FGFR2: variants seen among roughly 807,000 people sequenced by gnomAD.
The protein encoded by FGFR2 is BEK fibroblast growth factor receptor.
Under a neutral mutation model 95.9 loss-of-function variants are expected in FGFR2, and 19 were observed. That is an observed-to-expected ratio of 0.20 (90% CI 0.14 to 0.29). FGFR2 has a LOEUF of 0.29. Among genes scored for constraint, FGFR2 ranks in the 10% least tolerant of loss-of-function variants. FGFR2 has a pLI of 1.00. For synonymous variants in FGFR2, 392 were observed against 393.3 expected, an observed-to-expected ratio of 1.00 and a Z score of 0.04; for missense variants, 707 against 1,056.9, an observed-to-expected ratio of 0.67 and a Z score of 4.59.
At chr10:121,544,593 A>G (rs971068837) in intron 5 of FGFR2, among the ~76,000 whole-genome samples, 1 of 152,170 alleles carries the variant, frequency 6.6e-6, no homozygotes, top group Non-Finnish European at 1.5e-5. Flanking sequence ...TCCTGATTTC[A>G]CTTATATAAG....
rs2135115898 is a variant in FGFR2 at position 121,565,544 on chromosome 10, C to T, written c.270G>A (p.Glu90=). The T allele has an allele frequency of 6.2e-7, 1 of 1,614,250 alleles. No individual in the cohort carries two copies. The highest frequency in any genetic ancestry group is 8.5e-7 in the Non-Finnish European group (1 of 1,180,046). ...GPNNRTVLIG[E]YLQIKGATPR... is the part of the protein sequence containing the mutation. ...GCGTGGCGCCCTTTATCTGCAAGTA[C>T]TCCCCAATAAGCACTGTCCTATTGT... Residue 90 remains glutamate (E), a synonymous_variant, in exon 3 of 18, where the codon GAG becomes GAA. Transcript: ENST00000358487.
intron 2 of FGFR2, among the ~76,000 whole-genome samples, chr10:121,566,077 G>A (rs1341691482): frequency 6.6e-6 from 1 of 152,178 alleles, no homozygotes; most frequent in Non-Finnish European, 1.5e-5. Context: ...TAAGAATGCC[G>A]AGTTTTACAC....
intron 13 of FGFR2, 143 bp downstream of exon 13, chr10:121,496,389 G>A: frequency 1.1e-6 from 1 of 878,790 alleles, no homozygotes; most frequent in Non-Finnish European, 1.9e-6. Context: ...AACTCAAATG[G>A]GAATAACGCA....
At chr10:121,576,872 T>C (rs1220515157) in intron 2 of FGFR2, among the ~76,000 whole-genome samples, 1 of 151,740 alleles carries the variant, frequency 6.6e-6, no homozygotes, top group Non-Finnish European at 1.5e-5. Context: ...TGGTGGCTCA[T>C]GCCTGTAATC....
intron 1 of FGFR2, among the ~76,000 whole-genome samples, chr10:121,594,504 G>A (rs376584154): frequency 2.1e-4 from 32 of 152,324 alleles, no homozygotes; most frequent in African/African-American, 6.3e-4. Flanking sequence ...TGGGAAGAAA[G>A]GAGACCAGCA....
chr10:121,522,063 G>A (rs1850631364), intron 6 of FGFR2, among the ~76,000 whole-genome samples: 1 of 152,188 alleles, frequency 6.6e-6, no homozygotes, highest in Non-Finnish European at 1.5e-5. Flanking sequence ...TGACTCCACT[G>A]ATATGAGGTA....
At chr10:121,572,023 A>C (rs1858867400) in intron 2 of FGFR2, among the ~76,000 whole-genome samples, 2 of 151,786 alleles carry the variant, frequency 1.3e-5, no homozygotes, top group Non-Finnish European at 2.9e-5. Flanking sequence ...GCTAATCAAA[A>C]AATAAATGGG....
chr10:121,574,999 TAAC>T (rs1244527703), intron 2 of FGFR2, among the ~76,000 whole-genome samples: 1 of 152,220 alleles, frequency 6.6e-6, no homozygotes, highest in Non-Finnish European at 1.5e-5. Context: ...AGGATGCCGG[TAAC>T]AACAGCTAAC....
At chr10:121,482,011 G>T in intron 17 of FGFR2, 1 of 519,812 alleles carries the variant, frequency 1.9e-6, no homozygotes, top group East Asian at 3.4e-5. Context: ...CTAATTTTTT[G>T]TATCTTTAGT....
rs201606812 is a variant in FGFR2 at position 121,593,863 on chromosome 10, C to T, written c.-46G>A. ...GTCCTCTTCCATATCTCCATGTGGA[C>T]GTTAATCCCATCTGCACACTTCCTC... On this transcript the variant is annotated 5_prime_UTR_variant, in exon 2 of 18. Coordinates refer to ENST00000358487, the MANE Select transcript of FGFR2 (RefSeq NM_000141.5). 1.8e-3 allele frequency: 2,736 copies of T among 1,528,250 alleles called. 11 individuals are homozygous for T. The highest frequency in any genetic ancestry group is 5.6e-3 in the Admixed American group (336 of 59,892). The allele number at this position is 1,528,250 out of a possible 1,614,324, so 94.7% of individuals were successfully genotyped here.
At chr10:121,538,031 CT>C in intron 6 of FGFR2, 1 of 315,204 alleles carries the variant, frequency 3.2e-6, no homozygotes, top group East Asian at 5.8e-5. Flanking sequence ...TATTTATAAG[CT>C]CATATACATG....
intron 9 of FGFR2, among the ~76,000 whole-genome samples, chr10:121,513,849 T>G (rs1849356234): frequency 6.6e-6 from 1 of 152,086 alleles, no homozygotes; most frequent in Non-Finnish European, 1.5e-5. Flanking sequence ...TTTAGAGAAG[T>G]TAACAAGGAC....
At chr10:121,583,972 C>T (rs1202568101) in intron 2 of FGFR2, among the ~76,000 whole-genome samples, 1 of 151,998 alleles carries the variant, frequency 6.6e-6, no homozygotes, top group East Asian at 1.9e-4. Flanking sequence ...GTTAAAGTAC[C>T]TAGCACAGAG....
At chr10:121,587,916 C>T (rs1862075339) in intron 2 of FGFR2, among the ~76,000 whole-genome samples, 1 of 152,232 alleles carries the variant, frequency 6.6e-6, no homozygotes, top group African/African-American at 2.4e-5. Flanking sequence ...GAATATAAAT[C>T]ATTCTACCAT....
intron 13 of FGFR2, 84 bp from the exon 14 acceptor site, chr10:121,488,197 G>A (rs1043519592): frequency 1.3e-6 from 2 of 1,572,044 alleles, no homozygotes; most frequent in African/African-American, 2.7e-5. Context: ...TTCTTAAAAT[G>A]CAGATAGAAA....
At chr10:121,526,280 C>A in intron 6 of FGFR2, 1 of 398,446 alleles carries the variant, frequency 2.5e-6, no homozygotes, top group South Asian at 1.3e-4. Flanking sequence ...TAGCTTTTTT[C>A]TAAAGAGTAG....
intron 13 of FGFR2, among the ~76,000 whole-genome samples, chr10:121,488,881 A>T (rs1383126655): frequency 3.3e-5 from 5 of 152,078 alleles, no homozygotes; most frequent in Non-Finnish European, 7.4e-5. Flanking sequence ...TGTCTTCTTC[A>T]TTCCTGGTCA....
chr10:121,544,141 AGAT>A (rs1393717070), intron 5 of FGFR2, among the ~76,000 whole-genome samples: 17 of 152,148 alleles, frequency 1.1e-4, no homozygotes, highest in African/African-American at 3.6e-4. Flanking sequence ...GATCATCATC[AGAT>A]GAATGGATAA....
intron 9 of FGFR2, among the ~76,000 whole-genome samples, chr10:121,513,312 A>G (rs181391646): frequency 1.3e-5 from 2 of 152,346 alleles, no homozygotes; most frequent in East Asian, 1.9e-4. Flanking sequence ...CACAAGCAGT[A>G]TATTTCCAAA....
Sources: allele counts gnomAD v4.1 joint callset (sites outside exome capture counted in the v4.1 genomes callset), GRCh38; gene constraint gnomAD v4.1.1; transcripts MANE v1.5; gene names NCBI Gene and HGNC (gene_info 2026-07-23, HGNC 2026-07-21).